The following COL27A1 variants were observed in gnomAD, a reference collection of about 807,000 sequenced individuals.
COL27A1 encodes the protein collagen type XXVII alpha 1 chain.
A neutral mutation model predicts 251.3 loss-of-function variants in COL27A1; 106 were observed. The ratio of observed to expected loss-of-function variants is 0.42; its 90% CI spans 0.36 to 0.50. The LOEUF is 0.50. Ranked by LOEUF, COL27A1 falls within the 20% of genes least tolerant of loss-of-function variation. The pLI, the probability that COL27A1 is intolerant of heterozygous loss-of-function variation, is 0.00. For synonymous variants in COL27A1, 1,000 were observed against 986.3 expected, an observed-to-expected ratio of 1.01 and a Z score of -0.26; for missense variants, 2,325 against 2,522.8, an observed-to-expected ratio of 0.92 and a Z score of 1.68.
intron 7 of COL27A1, among the ~76,000 whole-genome samples, chr9:114,199,757 C>G (rs1829440014): frequency 6.6e-6 from 1 of 152,180 alleles, no homozygotes; most frequent in South Asian, 2.1e-4. Flanking sequence ...GGACAGAACC[C>G]AACCTGTTCA....
chr9:114,156,071 G>T, intron 1 of COL27A1, 59 bp downstream of exon 1: 1 of 1,292,928 alleles, frequency 7.7e-7, no homozygotes. Flanking sequence ...ATCTCGGGGA[G>T]GGCCGGGGTT....
intron 14 of COL27A1, among the ~76,000 whole-genome samples, chr9:114,229,382 C>T (rs1831761678): frequency 6.6e-6 from 1 of 152,218 alleles, no homozygotes; most frequent in Admixed American, 6.5e-5. Context: ...CATTCCATCA[C>T]ATAGTCCCCT....
At chr9:114,217,856 G>C in intron 12 of COL27A1, 1 of 469,544 alleles carries the variant, frequency 2.1e-6, no homozygotes, top group Non-Finnish European at 4.4e-6. Context: ...GCTCACACCT[G>C]TAATCCCAAC....
intron 7 of COL27A1, among the ~76,000 whole-genome samples, chr9:114,203,015 C>T (rs142358305): frequency 2.0e-5 from 3 of 152,284 alleles, no homozygotes; most frequent in East Asian, 1.9e-4. Flanking sequence ...AGTTCGATAG[C>T]GTTAGGTACA....
At chr9:114,243,866 A>G (rs1394166086) in intron 23 of COL27A1, among the ~76,000 whole-genome samples, 1 of 151,152 alleles carries the variant, frequency 6.6e-6, no homozygotes, top group Admixed American at 6.6e-5. Flanking sequence ...ATAAAAGGGA[A>G]TGCTCAAGTG....
At chr9:114,308,674 G>C (rs1829234375) in intron 59 of COL27A1, among the ~76,000 whole-genome samples, 1 of 152,208 alleles carries the variant, frequency 6.6e-6, no homozygotes, top group Admixed American at 6.5e-5. Flanking sequence ...GAGGGGTGAG[G>C]CTGGAGTTGG....
intron 49 of COL27A1, among the ~76,000 whole-genome samples, chr9:114,298,497 T>G (rs1432353077): frequency 2.6e-5 from 4 of 152,198 alleles, no homozygotes. Context: ...AACCTTACAT[T>G]TATGTCTGTT....
intron 27 of COL27A1, among the ~76,000 whole-genome samples, chr9:114,257,324 G>A (rs530119749): frequency 6.8e-6 from 1 of 147,946 alleles, no homozygotes; most frequent in Admixed American, 6.9e-5. Context: ...GGTGGATGAA[G>A]TTGCTGCTTG....
chr9:114,304,698 T>G (rs765345693), intron 57 of COL27A1, 25 bp downstream of exon 57: 19 of 1,606,344 alleles, frequency 1.2e-5, no homozygotes, highest in Admixed American at 1.2e-4. Flanking sequence ...TCTCCCCATG[T>G]GGGATCCCTT....
At chr9:114,252,532 T>G (rs1035654848) in intron 25 of COL27A1, 61 bp from the exon 26 acceptor site, 1 of 1,485,408 alleles carries the variant, frequency 6.7e-7, no homozygotes. Flanking sequence ...TGCACCTGCC[T>G]CCCACAGAGC....
At chr9:114,269,589 C>G (rs574502236) in intron 35 of COL27A1, among the ~76,000 whole-genome samples, 1 of 115,874 alleles carries the variant, frequency 8.6e-6, no homozygotes, top group Non-Finnish European at 1.6e-5. Flanking sequence ...CACTCCAGCC[C>G]GGGTGACAGA....
Position 114,311,548 on chromosome 9 carries a change from G to GAAAAAAAAAAAAAAAAAAAGAAA in COL27A1, c.*870_*871insAAGAAAAAAAAAAAAAAAAAAAA, listed in dbSNP as rs56094843. On this transcript the variant is annotated 3_prime_UTR_variant, in exon 61 of 61. Coordinates refer to ENST00000356083, the MANE Select transcript of COL27A1 (RefSeq NM_032888.4). The stretch of plus-strand genomic sequence containing the variant: ...AGGAGGAAAAAAGAAAAGAAAAAAG[G>GAAAAAAAAAAAAAAAAAAAGAAA]AAAAAAAAAAAAAAAAAGCAAAACA... 3 of 96,202 alleles carry GAAAAAAAAAAAAAAAAAAAGAAA rather than the reference G, an allele frequency of 3.1e-5. No homozygotes were observed. The highest frequency in any genetic ancestry group is 1.0e-4 in the African/African-American group (3 of 29,300). The allele number at this position is 96,202 out of a possible 1,614,324, so 6.0% of individuals were successfully genotyped here.
chr9:114,206,347 A>G (rs1044834665), intron 10 of COL27A1, 51 bp downstream of exon 10: 2 of 1,588,570 alleles, frequency 1.3e-6, no homozygotes, highest in Non-Finnish European at 8.6e-7. Context: ...GGTGAGCATC[A>G]CCTGTCCCTC....
At chr9:114,257,319 A>T (rs1202436836) in intron 27 of COL27A1, among the ~76,000 whole-genome samples, 1 of 135,780 alleles carries the variant, frequency 7.4e-6, no homozygotes, top group African/African-American at 2.7e-5. Flanking sequence ...TGGCCGGTGG[A>T]TGAAGTTGCT....
Position 114,168,350 on chromosome 9 carries a change from C to T in COL27A1, c.795C>T (p.Ala265=), listed in dbSNP as rs1429725386. The change falls in exon 3 of 61, where the codon GCC becomes GCT. Residue 265 remains alanine, a synonymous_variant. Transcript: ENST00000356083. ...CTTTTACCTTCCAGTCCGACCTCGC[C>T]CTGCTAGGCCTGGAGAACTTGACCA... is the stretch of plus-strand genomic sequence containing the variant. ...GRPFTFQSDL[A]LLGLENLTTA... 1.9e-6 allele frequency: 3 copies of T among 1,613,424 alleles called. No individual in the cohort carries two copies. Among genetic ancestry groups the T allele is most frequent in the African/African-American group, 2.7e-5 (2 of 75,040 alleles).
chr9:114,275,981 C>A (rs565179165), intron 37 of COL27A1, among the ~76,000 whole-genome samples: 66 of 152,326 alleles, frequency 4.3e-4, no homozygotes, highest in Non-Finnish European at 8.2e-4. Context: ...TCCTGGCTGC[C>A]CTGCCCTGTG....
chr9:114,209,707 G>A lies in COL27A1; in HGVS notation c.2301G>A (p.Leu767=), dbSNP rs148061840. Residue 767 remains leucine (L), a synonymous_variant, in exon 11 of 61, where the codon CTG becomes CTA. Transcript: ENST00000356083. Reference sequence around the variant, plus strand: ...TTGGGCTCCCAGGGCTCTTCGGCCTGCCAGGGTCTGATGGAGAACGAGTAA... The same window carrying A: ...TTGGGCTCCCAGGGCTCTTCGGCCTACCAGGGTCTGATGGAGAACGAGTAA... ...GYIGLPGLFG[L]PGSDGERGLP... is the part of the protein sequence containing the mutation. The A allele has an allele frequency of 7.4e-5, 119 of 1,614,148 alleles. No individual in the cohort carries two copies. In the African/African-American group the frequency reaches 1.2e-3, roughly 16 times the overall value.
chr9:114,307,916 C>G, intron 59 of COL27A1, 138 bp downstream of exon 59: 1 of 594,838 alleles, frequency 1.7e-6, no homozygotes, highest in African/African-American at 1.9e-5. Context: ...CGCCTCCTTC[C>G]GAGACTCAGT....
Position 114,289,224 on chromosome 9 carries a change from T to A in COL27A1, c.4153-18T>A. On this transcript the variant is annotated intron_variant, in intron 44 of 60. Transcript: ENST00000356083. ...AGAATCCTGGGGCTGCCTTGCGTCA[T>A]CTCACCTTGGTTTGCAGGGGCATCC... 6.6e-7 allele frequency: 1 copy of A among 1,516,416 alleles called. No individual in the cohort carries two copies. The highest frequency in any genetic ancestry group is 8.9e-7 in the Non-Finnish European group (1 of 1,123,550). The allele number at this position is 1,516,416 out of a possible 1,614,324, so 93.9% of individuals were successfully genotyped here.
Sources: allele counts gnomAD v4.1 joint callset (sites outside exome capture counted in the v4.1 genomes callset), GRCh38; gene constraint gnomAD v4.1.1; transcripts MANE v1.5; gene names NCBI Gene and HGNC (gene_info 2026-07-23, HGNC 2026-07-21).